Variants in FTO observed in about 807,000 individuals in gnomAD.
FTO encodes alpha-ketoglutarate-dependent dioxygenase FTO.
Under a neutral mutation model 63.9 loss-of-function variants are expected in FTO, and 47 were observed. The observed-to-expected ratio is 0.74, with a 90% CI of 0.58 to 0.94. FTO has a LOEUF of 0.94. Ranked by LOEUF, FTO falls within the 40% of genes least tolerant of loss-of-function variation. The probability of loss-of-function intolerance (pLI) is 0.00; values close to 1 mark genes in which losing one functional copy is unlikely to be tolerated. For missense variants in FTO, 562 were observed against 618.1 expected (o/e 0.91, Z 0.96); for synonymous variants, 207 against 224.4 (o/e 0.92, Z 0.69).
chr16:53,987,521 T>TA (rs2083698247), intron 8 of FTO, among the ~76,000 whole-genome samples: 1 of 149,774 alleles, frequency 6.7e-6, no homozygotes, highest in Non-Finnish European at 1.5e-5. Context: ...AGGCGGATGT[T>TA]ACAGTGAACC....
chr16:54,064,903 A>C (rs1230535374), intron 8 of FTO, among the ~76,000 whole-genome samples: 1 of 152,080 alleles, frequency 6.6e-6, no homozygotes, highest in African/African-American at 2.4e-5. Flanking sequence ...AGCTAAGGTC[A>C]TGCGGCTTCT....
At chr16:53,747,961 C>G (rs553740152) in intron 1 of FTO, among the ~76,000 whole-genome samples, 1 of 152,078 alleles carries the variant, frequency 6.6e-6, no homozygotes, top group Non-Finnish European at 1.5e-5. Flanking sequence ...GTTTGTCAAA[C>G]CCACATACAT....
At chr16:53,751,589 A>G (rs1340414347) in intron 1 of FTO, among the ~76,000 whole-genome samples, 1 of 152,242 alleles carries the variant, frequency 6.6e-6, no homozygotes, top group Non-Finnish European at 1.5e-5. Flanking sequence ...TAAAATGTCT[A>G]TAACAGGCAA....
intron 1 of FTO, among the ~76,000 whole-genome samples, chr16:53,724,763 T>C (rs958704455): frequency 2.0e-5 from 3 of 152,150 alleles, no homozygotes; most frequent in African/African-American, 7.2e-5. Context: ...AAGGATGAAG[T>C]GGGGACTCTT....
chr16:54,106,224 C>T (rs1482029265), intron 8 of FTO, among the ~76,000 whole-genome samples: 1 of 152,046 alleles, frequency 6.6e-6, no homozygotes, highest in Admixed American at 6.6e-5. Flanking sequence ...TGGGGGAAAT[C>T]AGCGGGCAGT....
At chr16:53,796,175 G>C (rs181446428) in intron 1 of FTO, among the ~76,000 whole-genome samples, 1 of 151,826 alleles carries the variant, frequency 6.6e-6, no homozygotes, top group African/African-American at 2.4e-5. Context: ...CTCCCGAGTA[G>C]CTGGGATTAC....
chr16:53,908,507 A>G (rs1213047265), intron 7 of FTO, among the ~76,000 whole-genome samples: 1 of 152,216 alleles, frequency 6.6e-6, no homozygotes, highest in Non-Finnish European at 1.5e-5. Context: ...CAGATATAAG[A>G]AACTTTGGGG....
At chr16:53,802,371 A>AT (rs540274178) in intron 1 of FTO, among the ~76,000 whole-genome samples, 53 of 148,918 alleles carry the variant, frequency 3.6e-4, no homozygotes, top group African/African-American at 4.7e-4. Flanking sequence ...GCAACCATCC[A>AT]TTTTTTTTTT....
intron 8 of FTO, among the ~76,000 whole-genome samples, chr16:54,067,172 TA>T (rs5816921): frequency 0.17 from 25,763 of 148,218 alleles, 3,211 homozygotes; most frequent in African/African-American, 0.35. Context: ...TGAATAGACT[TA>T]AAAAAAAAAA....
intron 8 of FTO, among the ~76,000 whole-genome samples, chr16:54,028,769 A>G (rs4784347): frequency 0.21 from 32,359 of 151,908 alleles, 4,684 homozygotes; most frequent in African/African-American, 0.4. Flanking sequence ...AATAAATTAT[A>G]CTCTGCATAT....
At chr16:54,089,154 T>C (rs1326345386) in intron 8 of FTO, among the ~76,000 whole-genome samples, 1 of 152,216 alleles carries the variant, frequency 6.6e-6, no homozygotes, top group Non-Finnish European at 1.5e-5. Context: ...TTTGGGTTAG[T>C]GGAAGAAGTA....
chr16:53,950,820 C>T (rs545746252), intron 8 of FTO, among the ~76,000 whole-genome samples: 25 of 152,218 alleles, frequency 1.6e-4, no homozygotes, highest in Admixed American at 2.0e-4. Flanking sequence ...GTTAATTATC[C>T]GTGGATAATG....
At chr16:53,966,583 A>G (rs2083201989) in intron 8 of FTO, among the ~76,000 whole-genome samples, 1 of 152,186 alleles carries the variant, frequency 6.6e-6, no homozygotes, top group South Asian at 2.1e-4. Context: ...CATTCTCAAG[A>G]TCTTTTGTTG....
At chr16:53,996,612 TGTATTAG>T (rs2083937058) in intron 8 of FTO, among the ~76,000 whole-genome samples, 1 of 152,152 alleles carries the variant, frequency 6.6e-6, no homozygotes, top group Non-Finnish European at 1.5e-5. Context: ...ATAGGGGTAT[TGTATTAG>T]CTCTTATGCT....
chr16:53,727,186 C>G (rs535087739), intron 1 of FTO, among the ~76,000 whole-genome samples: 2 of 152,180 alleles, frequency 1.3e-5, no homozygotes, highest in South Asian at 4.1e-4. Context: ...CTCAAGTGGT[C>G]TAAGTTTCAA....
chr16:53,877,685 T>C (rs934349971), intron 5 of FTO, among the ~76,000 whole-genome samples: 1 of 151,988 alleles, frequency 6.6e-6, no homozygotes, highest in Non-Finnish European at 1.5e-5. Context: ...ATGCTTTAAA[T>C]GCTTGAATTT....
At chr16:53,763,373 C>T (rs903316605) in intron 1 of FTO, among the ~76,000 whole-genome samples, 5 of 152,128 alleles carry the variant, frequency 3.3e-5, no homozygotes, top group Non-Finnish European at 2.9e-5. Flanking sequence ...TAATTTTACT[C>T]GTGGTTTATT....
At chr16:53,895,407 T>A (rs2081255819) in intron 7 of FTO, among the ~76,000 whole-genome samples, 1 of 152,188 alleles carries the variant, frequency 6.6e-6, no homozygotes, top group Non-Finnish European at 1.5e-5. Context: ...ACTGTGTTTA[T>A]GATTCTCTTT....
intron 4 of FTO, among the ~76,000 whole-genome samples, chr16:53,853,864 A>G (rs1445146986): frequency 1.3e-5 from 2 of 152,192 alleles, no homozygotes; most frequent in African/African-American, 4.8e-5. Flanking sequence ...GTCAAATGGT[A>G]GAGTTACTTT....
Sources: allele counts gnomAD v4.1 joint callset (sites outside exome capture counted in the v4.1 genomes callset), GRCh38; gene constraint gnomAD v4.1.1; transcripts MANE v1.5; gene names NCBI Gene and HGNC (gene_info 2026-07-23, HGNC 2026-07-21).